The following PSD3 variants were observed in gnomAD, a reference collection of about 807,000 sequenced individuals.
The protein encoded by PSD3 is pleckstrin and Sec7 domain containing 3.
Under a neutral mutation model 105.5 loss-of-function variants are expected in PSD3, and 49 were observed. The ratio of observed to expected loss-of-function variants is 0.46; its 90% CI spans 0.37 to 0.59. The LOEUF is 0.59. Among genes scored for constraint, PSD3 ranks in the 20% least tolerant of loss-of-function variants. PSD3 has a pLI of 0.00. For synonymous variants in PSD3, 557 were observed against 457.8 expected (o/e 1.22, Z -2.77); for missense variants, 1,561 against 1,263.8 (o/e 1.24, Z -3.57).
At chr8:18,912,804 C>T (rs1274821590) in intron 2 of PSD3, among the ~76,000 whole-genome samples, 1 of 152,112 alleles carries the variant, frequency 6.6e-6, no homozygotes, top group African/African-American at 2.4e-5. Context: ...TCATGATGGC[C>T]ACTGTATTAA....
chr8:19,078,992 G>A (rs1425769980), intron 1 of PSD3, among the ~76,000 whole-genome samples: 1 of 151,904 alleles, frequency 6.6e-6, no homozygotes, highest in Non-Finnish European at 1.5e-5. Context: ...TCAACATGTT[G>A]CAAGGGACAC....
chr8:18,844,159 T>TAG (rs1245513055), intron 4 of PSD3, among the ~76,000 whole-genome samples: 465 of 152,250 alleles, frequency 3.1e-3, no homozygotes, highest in African/African-American at 0.011. Flanking sequence ...CCTATAATTA[T>TAG]CTAAGAGCTG....
chr8:18,932,255 G>A (rs186975150), intron 2 of PSD3, among the ~76,000 whole-genome samples: 6 of 152,270 alleles, frequency 3.9e-5, no homozygotes, highest in East Asian at 1.9e-4. Flanking sequence ...GGCACCTGTC[G>A]TAGGCTGGGA....
At chr8:18,927,473 A>C (rs959280098) in intron 2 of PSD3, among the ~76,000 whole-genome samples, 2 of 152,038 alleles carry the variant, frequency 1.3e-5, no homozygotes, top group African/African-American at 4.8e-5. Flanking sequence ...CAGCCTCCCA[A>C]AGTACTGGGA....
intron 8 of PSD3, among the ~76,000 whole-genome samples, chr8:18,790,309 T>TTC (rs1797822948): frequency 6.7e-6 from 1 of 149,284 alleles, no homozygotes; most frequent in Non-Finnish European, 1.5e-5. Flanking sequence ...TCTTTTCTTT[T>TTC]TTTTTTTTTT....
intron 4 of PSD3, among the ~76,000 whole-genome samples, chr8:18,831,397 G>C (rs1415399074): frequency 6.6e-6 from 1 of 152,148 alleles, no homozygotes; most frequent in Non-Finnish European, 1.5e-5. Flanking sequence ...CGTATTTTTA[G>C]TTCCAGTTCT....
chr8:18,662,531 T>C (rs1251473877), intron 9 of PSD3, among the ~76,000 whole-genome samples: 1 of 152,234 alleles, frequency 6.6e-6, no homozygotes, highest in Non-Finnish European at 1.5e-5. Flanking sequence ...GATCCAATCT[T>C]ATGAGCAAAG....
chr8:18,995,746 A>G (rs1826042218), intron 1 of PSD3, among the ~76,000 whole-genome samples: 1 of 152,044 alleles, frequency 6.6e-6, no homozygotes, highest in Non-Finnish European at 1.5e-5. Flanking sequence ...GGCAGGCAAG[A>G]GAGCATGTGC....
chr8:18,593,032 C>G (rs1803730956), intron 12 of PSD3, among the ~76,000 whole-genome samples: 1 of 152,170 alleles, frequency 6.6e-6, no homozygotes, highest in African/African-American at 2.4e-5. Flanking sequence ...AGAAGAAAAC[C>G]TAGGCAATAC....
chr8:18,656,182 C>T (rs1205261143), intron 9 of PSD3, among the ~76,000 whole-genome samples: 1 of 152,046 alleles, frequency 6.6e-6, no homozygotes, highest in Non-Finnish European at 1.5e-5. Flanking sequence ...TTCAGCCTCC[C>T]GAGTAGCTGG....
chr8:18,574,662 A>T (rs1357613275), intron 13 of PSD3, among the ~76,000 whole-genome samples: 3 of 152,230 alleles, frequency 2.0e-5, no homozygotes. Context: ...TGTGCCAGGC[A>T]CTGTGTGAGG....
At chr8:19,077,369 A>G (rs1829492244) in intron 1 of PSD3, among the ~76,000 whole-genome samples, 1 of 152,214 alleles carries the variant, frequency 6.6e-6, no homozygotes, top group Non-Finnish European at 1.5e-5. Context: ...TTAAATTCTA[A>G]AAAGTTAAAA....
intron 1 of PSD3, among the ~76,000 whole-genome samples, chr8:19,041,979 A>G (rs578222940): frequency 1.3e-5 from 2 of 150,374 alleles, no homozygotes; most frequent in East Asian, 3.9e-4. Context: ...ATTTTTTTTT[A>G]ACTTTTTCAT....
intron 2 of PSD3, among the ~76,000 whole-genome samples, chr8:18,907,466 C>T (rs1819919227): frequency 6.6e-6 from 1 of 152,156 alleles, no homozygotes. Context: ...TGAACCACTG[C>T]ACCTGGCCTT....
At chr8:18,957,551 C>A (rs530159028) in intron 1 of PSD3, among the ~76,000 whole-genome samples, 1 of 152,016 alleles carries the variant, frequency 6.6e-6, no homozygotes, top group East Asian at 1.9e-4. Context: ...CATTGGAATG[C>A]TGACAGAAGA....
At chr8:18,853,285 T>C (rs1367096763) in intron 4 of PSD3, among the ~76,000 whole-genome samples, 1 of 152,198 alleles carries the variant, frequency 6.6e-6, no homozygotes, top group Non-Finnish European at 1.5e-5. Flanking sequence ...ATGTTACCAA[T>C]GCATACCCAC....
chr8:19,000,037 T>C (rs1826290642), intron 1 of PSD3: 1 of 150,392 alleles, frequency 6.6e-6, no homozygotes, highest in African/African-American at 2.5e-5. Context: ...CACAGCAATA[T>C]GAGAGGCCAA....
intron 1 of PSD3, among the ~76,000 whole-genome samples, chr8:18,970,232 G>A (rs551563356): frequency 7.0e-6 from 1 of 143,658 alleles, no homozygotes; most frequent in Non-Finnish European, 1.5e-5. Context: ...GGCTGAGGCA[G>A]GAGAATGGCA....
chr8:18,571,820 A>G (rs1470160251), intron 14 of PSD3, among the ~76,000 whole-genome samples: 2 of 152,240 alleles, frequency 1.3e-5, no homozygotes, highest in African/African-American at 4.8e-5. Context: ...CAAAGACATC[A>G]AAGTAGCTTC....
Sources: gnomAD v4.1 joint callset for allele counts (sites outside exome capture counted in the v4.1 genomes callset) on GRCh38, gnomAD v4.1.1 for gene constraint, MANE v1.5 for transcripts, NCBI Gene and HGNC (gene_info 2026-07-23, HGNC 2026-07-21) for gene names.